Variants in CNOT6 observed in about 807,000 individuals in gnomAD.
The protein encoded by CNOT6 is carbon catabolite repression 4 protein.
In CNOT6, 12 loss-of-function variants were observed where a neutral mutation model predicts 61.2. The observed-to-expected ratio is 0.20, with a 90% CI of 0.13 to 0.32. The LOEUF (loss-of-function observed/expected upper bound fraction) is 0.32, where lower values mean the gene tolerates loss of function less well. Ranked by LOEUF, CNOT6 falls within the 10% of genes least tolerant of loss-of-function variation. The pLI, the probability that CNOT6 is intolerant of heterozygous loss-of-function variation, is 1.00. For missense variants in CNOT6, 405 were observed against 663.9 expected, an observed-to-expected ratio of 0.61 and a Z score of 4.28; for synonymous variants, 225 against 240.6, an observed-to-expected ratio of 0.94 and a Z score of 0.60.
At chr5:180,565,050 A>T (rs1003022041) in intron 6 of CNOT6, among the ~76,000 whole-genome samples, 1 of 152,242 alleles carries the variant, frequency 6.6e-6, no homozygotes, top group African/African-American at 2.4e-5. Flanking sequence ...CGTCTGGTGG[A>T]TGGAGGCCAG....
At chr5:180,541,441 A>ATTTTTT (rs1163850404) in intron 2 of CNOT6, among the ~76,000 whole-genome samples, 13 of 106,576 alleles carry the variant, frequency 1.2e-4, no homozygotes, top group African/African-American at 1.2e-4. Context: ...TGGCCAAGAA[A>ATTTTTT]TTTTTTTTTT....
intron 2 of CNOT6, among the ~76,000 whole-genome samples, chr5:180,537,775 T>G (rs971431716): frequency 1.3e-5 from 2 of 151,060 alleles, no homozygotes; most frequent in African/African-American, 4.9e-5. Flanking sequence ...TTTGTAAATA[T>G]TTAGTTAGAT....
chr5:180,571,104 C>A, intron 10 of CNOT6, 126 bp from the exon 11 acceptor site: 1 of 660,394 alleles, frequency 1.5e-6, no homozygotes, highest in Non-Finnish European at 2.6e-6. Flanking sequence ...CAAGTCCTGG[C>A]AAATGTAAAA....
At chr5:180,521,637 G>C (rs577179364) in intron 1 of CNOT6, among the ~76,000 whole-genome samples, 2 of 152,272 alleles carry the variant, frequency 1.3e-5, no homozygotes, top group South Asian at 4.1e-4. Flanking sequence ...GTGACATTGA[G>C]GTTTGGGACA....
intron 1 of CNOT6, among the ~76,000 whole-genome samples, chr5:180,498,296 A>G (rs1352782592): frequency 2.0e-5 from 3 of 152,178 alleles, no homozygotes; most frequent in African/African-American, 7.2e-5. Context: ...TACTGGCCAT[A>G]GTGTTTTAAC....
At chr5:180,522,795 G>A (rs1053163553) in intron 1 of CNOT6, among the ~76,000 whole-genome samples, 1 of 151,984 alleles carries the variant, frequency 6.6e-6, no homozygotes, top group Non-Finnish European at 1.5e-5. Context: ...GGTGGGAGAG[G>A]GCATGGAAGC....
At chr5:180,561,384 G>GTGTGTGT (rs1760179533) in intron 4 of CNOT6, among the ~76,000 whole-genome samples, 1 of 151,590 alleles carries the variant, frequency 6.6e-6, no homozygotes. Flanking sequence ...GTGTGTGTGT[G>GTGTGTGT]TGTGTGTGTT....
intron 2 of CNOT6, among the ~76,000 whole-genome samples, chr5:180,549,551 A>G (rs1759492527): frequency 6.6e-6 from 1 of 152,092 alleles, no homozygotes. Context: ...TTGGAGGCTG[A>G]GGCAGGAGAA....
intron 1 of CNOT6, among the ~76,000 whole-genome samples, chr5:180,506,020 A>G (rs1170621193): frequency 2.0e-5 from 3 of 152,226 alleles, no homozygotes; most frequent in Admixed American, 6.5e-5. Context: ...TCCCAGCAAC[A>G]TATTATTTGG....
chr5:180,567,908 A>T lies in CNOT6; in HGVS notation c.932A>T (p.Glu311Val). Residue 311 changes from glutamate (E) to valine (V), a missense_variant, in exon 9 of 12, where the codon GAG becomes GTG. Glu to Val is a moderately radical substitution (Grantham distance 121, BLOSUM62 -2). Around this residue, in one of 5 missense-constraint regions of CNOT6, gnomAD observed 24 missense variants for 85.2 expected, o/e 0.28. Transcript: ENST00000261951. ...EFNQLAMANS[E>V]GSEAMLNRVM... Reference sequence around the variant, plus strand: ...AATCAGCTAGCCATGGCAAATTCTGAGGGGTCTGAAGCTATGCTGAACAGA... The same window carrying T: ...AATCAGCTAGCCATGGCAAATTCTGTGGGGTCTGAAGCTATGCTGAACAGA... 6.2e-7 allele frequency: 1 copy of T among 1,614,156 alleles called. No individual in the cohort carries two copies. Among genetic ancestry groups the T allele is most frequent in the Non-Finnish European group, 8.5e-7 (1 of 1,180,026 alleles).
At chr5:180,530,197 G>A (rs937056476) in intron 2 of CNOT6, among the ~76,000 whole-genome samples, 2 of 152,066 alleles carry the variant, frequency 1.3e-5, no homozygotes, top group African/African-American at 4.8e-5. Context: ...TCACCTGACC[G>A]CCCTTGATTT....
rs1759718608 is a variant in CNOT6, at chr5:180,553,439, A to G, written c.353A>G (p.Lys118Arg). Reference protein sequence around the residue: ...LLRVLPFELGKLFQLQTLGLK... With the variant: ...LLRVLPFELGRLFQLQTLGLK... ...CGAGTTCTACCTTTTGAGCTGGGAAAACTGTTTCAGTTGCAGACTTTAGGC... is the reference window on the plus strand; with the variant it reads ...CGAGTTCTACCTTTTGAGCTGGGAAGACTGTTTCAGTTGCAGACTTTAGGC... The change falls in exon 4 of 12, where the codon AAA becomes AGA. Residue 118 changes from lysine (K) to arginine (R), a missense_variant. This residue lies in a region of CNOT6 where 212 missense variants were observed against 307.1 expected (regional missense o/e 0.69). Transcript: ENST00000261951. 3 of 1,613,810 alleles carry G rather than the reference A, an allele frequency of 1.9e-6. No homozygotes were observed. The highest frequency in any genetic ancestry group is 1.7e-6 in the Non-Finnish European group (2 of 1,179,908).
intron 2 of CNOT6, among the ~76,000 whole-genome samples, chr5:180,546,141 G>T (rs921219284): frequency 6.6e-6 from 1 of 151,836 alleles, no homozygotes; most frequent in Non-Finnish European, 1.5e-5. Context: ...TGATCCACCC[G>T]CCTCGGCCTC....
intron 4 of CNOT6, among the ~76,000 whole-genome samples, chr5:180,554,157 C>CCG (rs1449557589): frequency 2.6e-5 from 4 of 152,144 alleles, no homozygotes; most frequent in Non-Finnish European, 5.9e-5. Context: ...GTGGCTCACA[C>CCG]CTGTAATCAC....
chr5:180,552,787 C>G (rs907627804), intron 3 of CNOT6, among the ~76,000 whole-genome samples: 2 of 152,136 alleles, frequency 1.3e-5, no homozygotes, highest in South Asian at 4.1e-4. Context: ...ATGATTATCT[C>G]TGCAAAACAA....
chr5:180,563,848 C>T (rs1407496729), intron 4 of CNOT6, among the ~76,000 whole-genome samples: 1 of 152,132 alleles, frequency 6.6e-6, no homozygotes, highest in East Asian at 1.9e-4. Flanking sequence ...ATTTGAGATT[C>T]TTGTAGGTAT....
intron 1 of CNOT6, among the ~76,000 whole-genome samples, chr5:180,495,111 T>G (rs1756543070): frequency 6.6e-6 from 1 of 152,194 alleles, no homozygotes; most frequent in Non-Finnish European, 1.5e-5. Flanking sequence ...GTGGCCAAGA[T>G]GGGTGGCAAC....
chr5:180,548,937 A>G (rs1759449405), intron 2 of CNOT6, among the ~76,000 whole-genome samples: 1 of 152,204 alleles, frequency 6.6e-6, no homozygotes, highest in South Asian at 2.1e-4. Flanking sequence ...ACCATTGACA[A>G]TTTATCAAGA....
intron 4 of CNOT6, among the ~76,000 whole-genome samples, chr5:180,558,829 G>A (rs186871474): frequency 6.6e-6 from 1 of 152,076 alleles, no homozygotes; most frequent in Non-Finnish European, 1.5e-5. Context: ...ATTATTTTGG[G>A]ACGAGGTCTG....
Sources: gnomAD v4.1 joint callset for allele counts (sites outside exome capture counted in the v4.1 genomes callset) on GRCh38, gnomAD v4.1.1 for gene constraint, gnomAD v4.1.1 regional missense constraint, MANE v1.5 for transcripts, NCBI Gene and HGNC (gene_info 2026-07-23, HGNC 2026-07-21) for gene names.